Variants in SGK3 observed in about 807,000 individuals in gnomAD.
SGK3 encodes the protein serine/threonine-protein kinase Sgk3.
SGK3 carries 47 observed loss-of-function variants against 68.5 expected under a neutral mutation model. The ratio of observed to expected loss-of-function variants is 0.69; its 90% CI spans 0.54 to 0.87. The LOEUF (loss-of-function observed/expected upper bound fraction) is 0.87, where lower values mean the gene tolerates loss of function less well. SGK3 is among the 40% of genes least tolerant of loss of function. The pLI is 0.00. For synonymous variants in SGK3, 181 were observed against 189.1 expected (o/e 0.96, Z 0.35); for missense variants, 479 against 575.5 (o/e 0.83, Z 1.72).
chr8:66,753,864 A>G (rs967035937), intron 1 of SGK3, among the ~76,000 whole-genome samples: 13 of 152,158 alleles, frequency 8.5e-5, no homozygotes, highest in Admixed American at 5.9e-4. Context: ...CCCCCTCTCC[A>G]TACCTCCAAA....
chr8:66,852,750 C>T (rs987372996), intron 16 of SGK3, among the ~76,000 whole-genome samples: 6 of 152,178 alleles, frequency 3.9e-5, no homozygotes, highest in African/African-American at 9.6e-5. Context: ...TGACTGACTT[C>T]ATGTAGTGCA....
chr8:66,780,183 G>A (rs1214438110), intron 1 of SGK3, among the ~76,000 whole-genome samples: 1 of 152,176 alleles, frequency 6.6e-6, no homozygotes, highest in African/African-American at 2.4e-5. Flanking sequence ...GTGATCCAGT[G>A]AAGAGGCAGA....
chr8:66,834,904 C>T (rs958458381), intron 8 of SGK3, among the ~76,000 whole-genome samples: 24 of 148,216 alleles, frequency 1.6e-4, no homozygotes, highest in African/African-American at 5.5e-4. Flanking sequence ...CGCGCCACTG[C>T]ACTCCAGCCT....
chr8:66,765,238 GATT>G (rs1806281745), intron 1 of SGK3, among the ~76,000 whole-genome samples: 1 of 152,120 alleles, frequency 6.6e-6, no homozygotes, highest in African/African-American at 2.4e-5. Context: ...TCACTTTTTT[GATT>G]ATTGCCATCC....
At chr8:66,717,969 G>A (rs1017843579) in intron 1 of SGK3, among the ~76,000 whole-genome samples, 2 of 151,964 alleles carry the variant, frequency 1.3e-5, no homozygotes, top group African/African-American at 4.8e-5. Context: ...CCAAAGTGCT[G>A]GGATTACAGG....
At chr8:66,797,939 T>C (rs753672319) in intron 2 of SGK3, among the ~76,000 whole-genome samples, 14 of 152,316 alleles carry the variant, frequency 9.2e-5, no homozygotes, top group Non-Finnish European at 1.0e-4. Context: ...CAGAAATATT[T>C]TGTAACATTT....
rs1028389587 is a variant in SGK3 at position 66,805,991 on chromosome 8, T to A, written c.253+1544T>A. 9.2e-5 allele frequency among the ~76,000 whole-genome samples: 14 copies of A among 152,220 alleles called. No individual in the cohort carries two copies. In the East Asian group the frequency reaches 1.7e-3, roughly 19 times the overall value. Reference sequence around the variant, plus strand: ...TGTCCTATATAATTCTGCCCACCATTAACGGACTGCTCTTTATCCTGCACC... The same window carrying A: ...TGTCCTATATAATTCTGCCCACCATAAACGGACTGCTCTTTATCCTGCACC... On this transcript the variant is annotated intron_variant, in intron 4 of 16. Transcript: ENST00000521198.
chr8:66,820,063 G>A (rs1383518625), intron 5 of SGK3, among the ~76,000 whole-genome samples: 6 of 151,942 alleles, frequency 3.9e-5, no homozygotes, highest in South Asian at 2.1e-4. Flanking sequence ...TGATCCACCC[G>A]CCTCAGCTTC....
intron 1 of SGK3, among the ~76,000 whole-genome samples, chr8:66,752,708 A>G (rs990816263): frequency 2.0e-5 from 3 of 152,112 alleles, no homozygotes; most frequent in Non-Finnish European, 4.4e-5. Context: ...AAAGGGGGCC[A>G]GGTGCTTATC....
chr8:66,744,519 A>ATTTT (rs55684607), intron 1 of SGK3, among the ~76,000 whole-genome samples: 11 of 21,260 alleles, frequency 5.2e-4, no homozygotes, highest in African/African-American at 8.4e-4. Context: ...ATATATATAT[A>ATTTT]TTTTTTTTTT....
chr8:66,827,872 C>T (rs1447008131), intron 6 of SGK3, among the ~76,000 whole-genome samples: 5 of 152,092 alleles, frequency 3.3e-5, no homozygotes, highest in African/African-American at 1.2e-4. Flanking sequence ...AACTGTAATC[C>T]CAGCACTTTG....
intron 16 of SGK3, among the ~76,000 whole-genome samples, chr8:66,854,025 A>C (rs1047765586): frequency 5.9e-5 from 9 of 152,226 alleles, no homozygotes; most frequent in African/African-American, 1.9e-4. Context: ...AAATCCTGTA[A>C]GTTACTATGA....
At chr8:66,753,097 AGCTAACACTTATTGGATGCTTGT>A (rs1252570784) in intron 1 of SGK3, among the ~76,000 whole-genome samples, 1 of 152,246 alleles carries the variant, frequency 6.6e-6, no homozygotes, top group African/African-American at 2.4e-5. Context: ...TAAAATAAAT[AGCTAACACTTATTGGATGCTTGT>A]TTCAGGTACA....
At position 66,831,238 on chromosome 8, in the gene SGK3, TG is replaced by T; in HGVS notation, c.468-15del. ...CAATTTCTAGGAGGCTAATTCTTAT[TG>T]TTAATTTATTTCAGTGCCAAACCAA... On this transcript the variant is annotated splice_polypyrimidine_tract_variant and intron_variant, in intron 7 of 16. Coordinates refer to ENST00000521198, the MANE Select transcript of SGK3 (RefSeq NM_001033578.3). 6.2e-7 allele frequency: 1 copy of T among 1,613,332 alleles called. No individual in the cohort carries two copies.
intron 3 of SGK3, among the ~76,000 whole-genome samples, chr8:66,802,761 G>GA (rs1361928455): frequency 2.6e-5 from 4 of 151,770 alleles, no homozygotes; most frequent in Non-Finnish European, 4.4e-5. Flanking sequence ...GAAGAAGGAG[G>GA]AAGGAAGGAA....
intron 10 of SGK3, chr8:66,839,799 G>A (rs910364314): frequency 9.9e-6 from 5 of 503,310 alleles, no homozygotes; most frequent in Admixed American, 3.8e-5. Context: ...ACAAAGACAC[G>A]TGGTTGAAGA....
In SGK3 at chr8:66,738,010, A is replaced by C. The variant is rs893053006; in HGVS notation, c.-122+25177A>C. ...TAGTTCTACCCTGCAGGTAGTTCAAATTCAACATTTATAAAACAAAATATA... is the reference window on the plus strand; with the variant it reads ...TAGTTCTACCCTGCAGGTAGTTCAACTTCAACATTTATAAAACAAAATATA... On this transcript the variant is annotated intron_variant, in intron 1 of 16. Transcript: ENST00000521198. Among the ~76,000 whole-genome samples, 8 of 151,782 alleles carry C rather than the reference A, an allele frequency of 5.3e-5. 1 individual carries two copies. The South Asian group carries it at 1.5e-3, about 28-fold the overall frequency.
chr8:66,733,644 TAGTA>T (rs1440968655), intron 1 of SGK3, among the ~76,000 whole-genome samples: 2 of 152,160 alleles, frequency 1.3e-5, no homozygotes, highest in South Asian at 2.1e-4. Flanking sequence ...CAGTAACTCT[TAGTA>T]AGTGATTTTA....
At chr8:66,756,845 C>T (rs567343002) in intron 1 of SGK3, among the ~76,000 whole-genome samples, 1 of 152,158 alleles carries the variant, frequency 6.6e-6, no homozygotes, top group South Asian at 2.1e-4. Context: ...CCTGCCTCGG[C>T]CTCCCAAAGT....
Sources: gnomAD v4.1 joint callset for allele counts (sites outside exome capture counted in the v4.1 genomes callset) on GRCh38, gnomAD v4.1.1 for gene constraint, MANE v1.5 for transcripts, NCBI Gene and HGNC (gene_info 2026-07-23, HGNC 2026-07-21) for gene names.